Variants in TRPS1 observed in about 807,000 individuals in gnomAD.
TRPS1 encodes the protein zinc finger transcription factor Trps1.
Under a neutral mutation model 101.2 loss-of-function variants are expected in TRPS1, and 6 were observed. The ratio of observed to expected loss-of-function variants is 0.06; its 90% CI spans 0.03 to 0.12. TRPS1 has a LOEUF of 0.12. Ranked by LOEUF, TRPS1 falls within the 10% of genes least tolerant of loss-of-function variation. The pLI, the probability that TRPS1 is intolerant of heterozygous loss-of-function variation, is 1.00. For synonymous variants in TRPS1, 578 were observed against 589.8 expected, an observed-to-expected ratio of 0.98 and a Z score of 0.29; for missense variants, 1,363 against 1,567.0, an observed-to-expected ratio of 0.87 and a Z score of 2.20.
intron 5 of TRPS1, among the ~76,000 whole-genome samples, chr8:115,584,585 A>AC (rs1260795820): frequency 6.6e-6 from 1 of 150,614 alleles, no homozygotes; most frequent in Non-Finnish European, 1.5e-5. Context: ...AACTTATAGT[A>AC]CTTTTTTTTT....
intron 4 of TRPS1, among the ~76,000 whole-genome samples, chr8:115,588,880 A>G (rs1817624085): frequency 6.6e-6 from 1 of 152,222 alleles, no homozygotes; most frequent in Non-Finnish European, 1.5e-5. Context: ...TGAATAAAAG[A>G]TATATAGTCT....
Position 115,510,872 on chromosome 8 carries a change from T to G in TRPS1, c.2700+76129A>C, listed in dbSNP as rs555079804. Among the ~76,000 whole-genome samples, 5 of 152,020 alleles carry G rather than the reference T, an allele frequency of 3.3e-5. No homozygotes were observed. In the South Asian group the frequency reaches 1.0e-3, roughly 32 times the overall value. On this transcript the variant is annotated intron_variant, in intron 5 of 6. Transcript: ENST00000395715. ...CAGAATTAGTTCCAGACACAGATATTAGAAAGCTTCATTCAACTGAAGAAA... is the reference window on the plus strand; with the variant it reads ...CAGAATTAGTTCCAGACACAGATATGAGAAAGCTTCATTCAACTGAAGAAA...
intron 5 of TRPS1, among the ~76,000 whole-genome samples, chr8:115,499,555 A>G (rs951187726): frequency 2.0e-5 from 3 of 152,204 alleles, no homozygotes; most frequent in Admixed American, 1.3e-4. Flanking sequence ...TTTACAGATC[A>G]GATTTTACCT....
At position 115,418,475 on chromosome 8, in the gene TRPS1, AG is replaced by A. The variant is rs1264843778; in HGVS notation, c.2701-24del. On this transcript the variant is annotated intron_variant, in intron 5 of 6. Transcript: ENST00000395715. This position sits in a 1 kb window ranked among gnomAD's most constrained non-coding sequence, Gnocchi z 4.3. Reference sequence around the variant, plus strand: ...CCTCTGAAACAGGGGAAAAAAACCAAGGTCAGAGGTGAGTCACATGATCAGT... The same window carrying A: ...CCTCTGAAACAGGGGAAAAAAACCAAGTCAGAGGTGAGTCACATGATCAGT... 1 of 1,614,056 alleles carries A rather than the reference AG, an allele frequency of 6.2e-7. No homozygotes were observed. The highest frequency in any genetic ancestry group is 2.2e-5 in the East Asian group (1 of 44,886).
Position 115,471,890 on chromosome 8 carries a change from T to TG in TRPS1, c.2701-53439dup, listed in dbSNP as rs555020416. Reference sequence around the variant, plus strand: ...ATGTGTCACAAGTAGGTCATGCTGATGCAAGAGGTGGGCTCCCATGGCCTT... The same window carrying TG: ...ATGTGTCACAAGTAGGTCATGCTGATGGCAAGAGGTGGGCTCCCATGGCCTT... On this transcript the variant is annotated intron_variant, in intron 5 of 6. Coordinates refer to ENST00000395715, the MANE Select transcript of TRPS1 (RefSeq NM_014112.5). Among the ~76,000 whole-genome samples, 8 of 152,346 alleles carry TG rather than the reference T, an allele frequency of 5.3e-5. No individual in the cohort carries two copies. The South Asian group carries it at 1.7e-3, about 32-fold the overall frequency.
At chr8:115,523,468 G>A (rs1171581560) in intron 5 of TRPS1, among the ~76,000 whole-genome samples, 1 of 152,020 alleles carries the variant, frequency 6.6e-6, no homozygotes, top group Admixed American at 6.6e-5. Context: ...CTATATAAGA[G>A]CTGCAGTGAG....
At chr8:115,537,807 A>T (rs1776593291) in intron 5 of TRPS1, among the ~76,000 whole-genome samples, 1 of 152,228 alleles carries the variant, frequency 6.6e-6, no homozygotes, top group Admixed American at 6.5e-5. Flanking sequence ...GACTTCGAGC[A>T]ACTTAAAAAC....
At chr8:115,532,155 A>T (rs958192265) in intron 5 of TRPS1, among the ~76,000 whole-genome samples, 3 of 152,182 alleles carry the variant, frequency 2.0e-5, no homozygotes, top group African/African-American at 7.2e-5. Flanking sequence ...ACATATTTGC[A>T]CCAGGATTTC....
intron 5 of TRPS1, among the ~76,000 whole-genome samples, chr8:115,573,576 G>A (rs938051189): frequency 3.3e-5 from 5 of 151,982 alleles, no homozygotes; most frequent in Non-Finnish European, 5.9e-5. Flanking sequence ...ATGAGTCTTC[G>A]TCACCTCAAC....
intron 5 of TRPS1, among the ~76,000 whole-genome samples, chr8:115,438,397 C>T (rs1813509525): frequency 6.6e-6 from 1 of 152,160 alleles, no homozygotes; most frequent in Admixed American, 6.6e-5. Flanking sequence ...AAGCAAAGAC[C>T]TGATAGGTGC....
Position 115,604,636 on chromosome 8 carries a change from T to G in TRPS1, c.1333A>C (p.Ser445Arg), listed in dbSNP as rs1006986976. ...SSRQNGTEAT[S>R]YYWCKFCSFS... ...CTACAAAATTTACACCAGTAGTAAC[T>G]GGTGGCCTCTGTACCATTTTGTCTA... Residue 445 changes from serine (S) to arginine (R), a missense_variant, in exon 4 of 7, where the codon AGT becomes CGT. By Grantham distance (110) the Ser-to-Arg change is moderately radical (BLOSUM62 -1). Coordinates refer to ENST00000395715, the MANE Select transcript of TRPS1 (RefSeq NM_014112.5). The surrounding 1 kb of genome is among the most constrained non-coding windows in gnomAD (Gnocchi z 4.1). 1.3e-5 allele frequency: 21 copies of G among 1,614,022 alleles called. No individual in the cohort carries two copies. The highest frequency in any genetic ancestry group is 1.7e-5 in the Non-Finnish European group (20 of 1,179,992).
chr8:115,627,384 A>C (rs975901136), intron 1 of TRPS1, among the ~76,000 whole-genome samples: 1 of 151,802 alleles, frequency 6.6e-6, no homozygotes. Context: ...CACATAGGCC[A>C]ATCTGACTTT....
At position 115,414,906 on chromosome 8, in the gene TRPS1, A is replaced by G. The variant is rs375328348; in HGVS notation, c.3002T>C (p.Leu1001Pro). Reference sequence around the variant, plus strand: ...AATTTCTCTCTGGTGACTTTCAGTTAGATGATCTTCTGACCTCCTCTCTAA... The same window carrying G: ...AATTTCTCTCTGGTGACTTTCAGTTGGATGATCTTCTGACCTCCTCTCTAA... ...SPLERRSEDH[L>P]TESHQREIPL... The change falls in exon 7 of 7, where the codon CTA becomes CCA. Residue 1001 changes from leucine (L) to proline (P), a missense_variant. Physicochemically the swap from Leu to Pro is moderately conservative, Grantham distance 98. Coordinates refer to ENST00000395715, the MANE Select transcript of TRPS1 (RefSeq NM_014112.5). This position sits in a 1 kb window ranked among gnomAD's most constrained non-coding sequence, Gnocchi z 4.8. 11 of 1,610,990 alleles carry G rather than the reference A, an allele frequency of 6.8e-6. No homozygotes were observed. The highest frequency in any genetic ancestry group is 9.3e-6 in the Non-Finnish European group (11 of 1,178,298).
chr8:115,548,612 G>A (rs1816634074), intron 5 of TRPS1, among the ~76,000 whole-genome samples: 1 of 152,074 alleles, frequency 6.6e-6, no homozygotes, highest in South Asian at 2.1e-4. Flanking sequence ...GGAAACCTGA[G>A]GATTTGGGAA....
chr8:115,474,292 C>G (rs1216038016), intron 5 of TRPS1, among the ~76,000 whole-genome samples: 1 of 152,040 alleles, frequency 6.6e-6, no homozygotes, highest in Admixed American at 6.6e-5. Context: ...TTGTCAAGAT[C>G]ATAGTGTTAG....
Position 115,498,397 on chromosome 8 carries a change from CTCTCTCTCTCTCTCTCTCTATATATA to C in TRPS1, c.2701-79971_2701-79946del, listed in dbSNP as rs1228746305. The stretch of plus-strand genomic sequence containing the variant: ...CGTCTCTCTCTCTCTCTCTCTCTCT[CTCTCTCTCTCTCTCTCTCTATATATA>C]TATATATATATATATATATATATAT... On this transcript the variant is annotated intron_variant, in intron 5 of 6. Transcript: ENST00000395715. 8.6e-4 allele frequency among the ~76,000 whole-genome samples: 70 copies of C among 80,982 alleles called. 1 individual carries two copies. Among genetic ancestry groups the C allele is most frequent in the South Asian group, 5.0e-3 (10 of 1,984 alleles). 53.1% of individuals were successfully genotyped at this position (80,982 alleles called of 152,430 possible).
At chr8:115,478,342 C>T (rs1472253697) in intron 5 of TRPS1, among the ~76,000 whole-genome samples, 2 of 152,088 alleles carry the variant, frequency 1.3e-5, no homozygotes, top group Non-Finnish European at 2.9e-5. Context: ...AGTGACATAA[C>T]TCAATTTTTT....
intron 5 of TRPS1, among the ~76,000 whole-genome samples, chr8:115,439,755 C>A (rs1043449088): frequency 2.6e-5 from 4 of 152,152 alleles, no homozygotes; most frequent in African/African-American, 9.7e-5. Context: ...AAGAACATCA[C>A]CCTAACTTCC....
intron 5 of TRPS1, among the ~76,000 whole-genome samples, chr8:115,426,017 T>A (rs555537349): frequency 6.6e-6 from 1 of 152,358 alleles, no homozygotes; most frequent in South Asian, 2.1e-4. Flanking sequence ...ACTGTCTTTT[T>A]TTTCATTCCA....
Sources: gnomAD v4.1 joint callset for allele counts (sites outside exome capture counted in the v4.1 genomes callset) on GRCh38, gnomAD v4.1.1 for gene constraint, Gnocchi (gnomAD v3.1) non-coding constraint, MANE v1.5 for transcripts, NCBI Gene and HGNC (gene_info 2026-07-23, HGNC 2026-07-21) for gene names.